Variants in FGF18 observed in about 807,000 individuals in gnomAD.
FGF18 encodes the protein fibroblast growth factor 18.
FGF18 carries 5 observed loss-of-function variants against 23.0 expected under a neutral mutation model. The ratio of observed to expected loss-of-function variants is 0.22; its 90% CI spans 0.11 to 0.46. The LOEUF is 0.46. FGF18 is among the 20% of genes least tolerant of loss of function. The probability of loss-of-function intolerance (pLI) is 0.99; values close to 1 mark genes in which losing one functional copy is unlikely to be tolerated. For missense variants in FGF18, 180 were observed against 291.6 expected, an observed-to-expected ratio of 0.62 and a Z score of 2.79; for synonymous variants, 117 against 118.9, an observed-to-expected ratio of 0.98 and a Z score of 0.10.
chr5:171,440,625 C>T lies in FGF18; in HGVS notation c.250+4352C>T, dbSNP rs1467304694. Among the ~76,000 whole-genome samples the T allele has an allele frequency of 2.6e-5, 4 of 152,142 alleles. No individual in the cohort carries two copies. Among genetic ancestry groups the T allele is most frequent in the African/African-American group, 4.8e-5 (2 of 41,422 alleles). Reference sequence around the variant, plus strand: ...AGGAAGAACCTAGGCTGTGAACTTCCCACGTGACTGTGAGCCCACCCATTC... The same window carrying T: ...AGGAAGAACCTAGGCTGTGAACTTCTCACGTGACTGTGAGCCCACCCATTC... On this transcript the variant is annotated intron_variant, in intron 3 of 4. Transcript: ENST00000274625. The surrounding 1 kb of genome is among the most constrained non-coding windows in gnomAD (Gnocchi z 4.0).
rs1024332498 is a variant in FGF18 at position 171,436,725 on chromosome 5, G to A, written c.250+452G>A. The stretch of plus-strand genomic sequence containing the variant: ...GTGCATATGGGTGCTTTGAGCTTGA[G>A]CCTGTGCACCTGTGATATGTGGCAC... On this transcript the variant is annotated intron_variant, in intron 3 of 4. Coordinates refer to ENST00000274625, the MANE Select transcript of FGF18 (RefSeq NM_003862.3). This position sits in a 1 kb window ranked among gnomAD's most constrained non-coding sequence, Gnocchi z 4.4. Among the ~76,000 whole-genome samples the A allele has an allele frequency of 6.6e-6, 1 of 152,182 alleles. No individual in the cohort carries two copies. The highest frequency in any genetic ancestry group is 6.5e-5 in the Admixed American group (1 of 15,278).
intron 3 of FGF18, among the ~76,000 whole-genome samples, chr5:171,439,539 G>A (rs1196537794): frequency 6.6e-6 from 1 of 152,212 alleles, no homozygotes; most frequent in Admixed American, 6.5e-5. Context: ...CCATGTCATA[G>A]AACAGCACTG....
At chr5:171,445,850 G>A (rs1403077781) in intron 3 of FGF18, among the ~76,000 whole-genome samples, 1 of 152,148 alleles carries the variant, frequency 6.6e-6, no homozygotes, top group Non-Finnish European at 1.5e-5. Flanking sequence ...CTGGCCTGGT[G>A]CAGGCCCCAC....
At chr5:171,425,046 T>C (rs1415320424) in intron 2 of FGF18, among the ~76,000 whole-genome samples, 1 of 152,222 alleles carries the variant, frequency 6.6e-6, no homozygotes, top group Admixed American at 6.5e-5. Context: ...AAGGACGCAC[T>C]GGACCCCCAA....
chr5:171,455,689 A>G (rs1348460880), intron 4 of FGF18, among the ~76,000 whole-genome samples: 2 of 151,864 alleles, frequency 1.3e-5, no homozygotes, highest in Non-Finnish European at 2.9e-5. Flanking sequence ...AGCCTTACAA[A>G]CTCCTCTGGT....
At chr5:171,441,907 C>G (rs1377132698) in intron 3 of FGF18, among the ~76,000 whole-genome samples, 4 of 152,228 alleles carry the variant, frequency 2.6e-5, no homozygotes. Context: ...AATCAGTGTT[C>G]CCTCCCTCCT....
chr5:171,427,089 C>T (rs1284026866), intron 2 of FGF18, among the ~76,000 whole-genome samples: 1 of 152,010 alleles, frequency 6.6e-6, no homozygotes, highest in African/African-American at 2.4e-5. Flanking sequence ...TGCCTGTGAT[C>T]CCAGCTACTC....
intron 4 of FGF18, among the ~76,000 whole-genome samples, chr5:171,454,311 G>A (rs1772554037): frequency 6.6e-6 from 1 of 152,134 alleles, no homozygotes; most frequent in South Asian, 2.1e-4. Flanking sequence ...TGTAGCCTTT[G>A]TTCTGTTTGC....
chr5:171,455,654 G>A (rs1001369397), intron 4 of FGF18, among the ~76,000 whole-genome samples: 1 of 152,184 alleles, frequency 6.6e-6, no homozygotes, highest in Non-Finnish European at 1.5e-5. Flanking sequence ...TCCCCTCATG[G>A]TGATAAAGTG....
chr5:171,420,224 A>C lies in FGF18; in HGVS notation c.25A>C (p.Thr9Pro). MYSAPSAC[T>P]CLCLHFLLLC... ...GATGTATTCAGCGCCCTCCGCCTGC[A>C]CTTGCCTGTAAGCGCCCGCGCGCGG... The change falls in exon 1 of 5, where the codon ACT (threonine) becomes CCT (proline). Residue 9 changes from threonine (T) to proline (P), a missense_variant. Coordinates refer to ENST00000274625, the MANE Select transcript of FGF18 (RefSeq NM_003862.3). 1 of 1,566,972 alleles carries C rather than the reference A, an allele frequency of 6.4e-7. No individual in the cohort carries two copies. The highest frequency in any genetic ancestry group is 8.6e-7 in the Non-Finnish European group (1 of 1,160,032).
intron 2 of FGF18, among the ~76,000 whole-genome samples, chr5:171,426,754 G>A (rs1308335250): frequency 1.3e-5 from 2 of 152,222 alleles, no homozygotes; most frequent in Admixed American, 6.5e-5. Flanking sequence ...TCAGTGAGGC[G>A]AGGTCAGTGG....
chr5:171,420,948 C>T (rs1048170561), intron 2 of FGF18, among the ~76,000 whole-genome samples: 1 of 152,196 alleles, frequency 6.6e-6, no homozygotes, highest in Non-Finnish European at 1.5e-5. Flanking sequence ...CACACATGCC[C>T]GGGACGAGGG....
chr5:171,420,518 G>T, intron 2 of FGF18, 75 bp downstream of exon 2: 2 of 1,419,400 alleles, frequency 1.4e-6, no homozygotes, highest in South Asian at 1.2e-5. Flanking sequence ...CCCCGGCCGC[G>T]CCCCCTCCCT....
chr5:171,432,012 G>A (rs1772188884), intron 2 of FGF18, among the ~76,000 whole-genome samples: 1 of 152,154 alleles, frequency 6.6e-6, no homozygotes, highest in East Asian at 1.9e-4. Flanking sequence ...TCGCGCCACT[G>A]CACTCCAGTC....
rs1300581840 is a variant in FGF18, at chr5:171,456,929, A to G, written c.*124A>G. The G allele has an allele frequency of 7.8e-7, 1 of 1,281,610 alleles. No homozygotes were observed. 79.4% of individuals were successfully genotyped at this position (1,281,610 alleles called of 1,614,324 possible). A position where few individuals can be genotyped will look rare whatever the true frequency, so the allele number is the denominator to read the frequency against. On this transcript the variant is annotated 3_prime_UTR_variant, in exon 5 of 5. Transcript: ENST00000274625. The surrounding 1 kb of genome is among the most constrained non-coding windows in gnomAD (Gnocchi z 6.1). ...TCTATTTTTGTACATTGTGTTTAAAAGAAGACAAAAACTGAACCAAAACTC... is the reference window on the plus strand; with the variant it reads ...TCTATTTTTGTACATTGTGTTTAAAGGAAGACAAAAACTGAACCAAAACTC...
At chr5:171,420,859 T>C (rs1771994542) in intron 2 of FGF18, among the ~76,000 whole-genome samples, 1 of 152,176 alleles carries the variant, frequency 6.6e-6, no homozygotes, top group Non-Finnish European at 1.5e-5. Context: ...GGATTTCGAG[T>C]CCAGGGAGAA....
chr5:171,433,556 C>T (rs1469307774), intron 2 of FGF18, among the ~76,000 whole-genome samples: 4 of 152,084 alleles, frequency 2.6e-5, no homozygotes, highest in Admixed American at 1.3e-4. Flanking sequence ...TTCTTCTGTC[C>T]CTGAGCAGCA....
Position 171,436,400 on chromosome 5 carries a change from CTTTCT to C in FGF18, c.250+128_250+132del. On this transcript the variant is annotated intron_variant, in intron 3 of 4. Coordinates refer to ENST00000274625, the MANE Select transcript of FGF18 (RefSeq NM_003862.3). The surrounding 1 kb of genome is among the most constrained non-coding windows in gnomAD (Gnocchi z 4.4). ...TGTGATCTTGGACCTGGCACTGACC[CTTTCT>C]GGGTCTGTTTCCTGATCTATAAAAT... 1 of 657,666 alleles carries C rather than the reference CTTTCT, an allele frequency of 1.5e-6. No homozygotes were observed. The highest frequency in any genetic ancestry group is 2.3e-6 in the Non-Finnish European group (1 of 429,150). The allele number at this position is 657,666 out of a possible 1,614,324, so 40.7% of individuals were successfully genotyped here.
At chr5:171,420,358 GC>G in intron 1 of FGF18, 48 bp from the exon 2 acceptor site, 3 of 1,609,496 alleles carry the variant, frequency 1.9e-6, no homozygotes, top group Non-Finnish European at 8.5e-7. Context: ...CTGTCCGTGC[GC>G]CCCCTTCCTC....
Sources: gnomAD v4.1 joint callset for allele counts (sites outside exome capture counted in the v4.1 genomes callset) on GRCh38, gnomAD v4.1.1 for gene constraint, Gnocchi (gnomAD v3.1) non-coding constraint, MANE v1.5 for transcripts, NCBI Gene and HGNC (gene_info 2026-07-23, HGNC 2026-07-21) for gene names.